PARD3B: variants seen among roughly 807,000 people sequenced by gnomAD.
The protein encoded by PARD3B is par-3 family cell polarity regulator beta, also known as partitioning defective 3 homolog B.
A neutral mutation model predicts 130.2 loss-of-function variants in PARD3B; 103 were observed. The observed-to-expected ratio is 0.79, with a 90% CI of 0.67 to 0.93. The LOEUF is 0.93. Ranked by LOEUF, PARD3B falls within the 40% of genes least tolerant of loss-of-function variation. PARD3B has a pLI of 0.00. For missense variants in PARD3B, 1,609 were observed against 1,499.2 expected, an observed-to-expected ratio of 1.07 and a Z score of -1.21; for synonymous variants, 583 against 553.2, an observed-to-expected ratio of 1.05 and a Z score of -0.76.
At position 204,662,803 on chromosome 2, in the gene PARD3B, G is replaced by A. The variant is rs1023609102; in HGVS notation, c.121-23378G>A. Among the ~76,000 whole-genome samples, 9 of 152,024 alleles carry A rather than the reference G, an allele frequency of 5.9e-5. 1 individual carries two copies. The highest frequency in any genetic ancestry group is 1.2e-4 in the African/African-American group (5 of 41,390). On this transcript the variant is annotated intron_variant, in intron 1 of 22. Transcript: ENST00000406610. The stretch of plus-strand genomic sequence containing the variant: ...TGCTAAGACACCAGCAGTTTGACCC[G>A]CCATCAGTCCAAATGGCAACACAGT...
At chr2:205,057,888 A>G (rs1699833703) in intron 4 of PARD3B, among the ~76,000 whole-genome samples, 1 of 149,540 alleles carries the variant, frequency 6.7e-6, no homozygotes, top group South Asian at 2.1e-4. Flanking sequence ...TAAAAAAAAG[A>G]CTTTTTTCTC....
At chr2:204,738,789 C>A (rs75494790) in intron 2 of PARD3B, among the ~76,000 whole-genome samples, 1 of 152,140 alleles carries the variant, frequency 6.6e-6, no homozygotes, top group East Asian at 1.9e-4. Context: ...GGCAAATGAG[C>A]AACATCTGAT....
At chr2:205,228,747 G>A (rs2038688864) in intron 15 of PARD3B, among the ~76,000 whole-genome samples, 1 of 151,988 alleles carries the variant, frequency 6.6e-6, no homozygotes, top group African/African-American at 2.4e-5. Flanking sequence ...TCTTAGATTT[G>A]CTCTTTTGAG....
chr2:204,804,396 G>T (rs1454666046), intron 2 of PARD3B, among the ~76,000 whole-genome samples: 1 of 152,052 alleles, frequency 6.6e-6, no homozygotes, highest in Non-Finnish European at 1.5e-5. Flanking sequence ...ACTATAAAAA[G>T]ATACAAAGTC....
chr2:205,449,410 T>C (rs1183881606), intron 20 of PARD3B, among the ~76,000 whole-genome samples: 1 of 151,756 alleles, frequency 6.6e-6, no homozygotes, highest in Non-Finnish European at 1.5e-5. Flanking sequence ...TTTGTATTTT[T>C]AGTAGAGGCA....
At chr2:205,097,284 A>G (rs890515713) in intron 4 of PARD3B, among the ~76,000 whole-genome samples, 2 of 152,176 alleles carry the variant, frequency 1.3e-5, no homozygotes, top group Non-Finnish European at 2.9e-5. Context: ...AATAAGGTCA[A>G]CATTCCTTAA....
chr2:205,174,351 G>C (rs1195296737), intron 12 of PARD3B, among the ~76,000 whole-genome samples: 1 of 152,172 alleles, frequency 6.6e-6, no homozygotes, highest in Non-Finnish European at 1.5e-5. Flanking sequence ...TCCATTTTTA[G>C]TTTCCCTAAT....
Position 205,039,622 on chromosome 2 carries a change from C to T in PARD3B, c.395-7959C>T, listed in dbSNP as rs144994718. Among the ~76,000 whole-genome samples, 345 of 152,098 alleles carry T rather than the reference C, an allele frequency of 2.3e-3. 1 individual carries two copies. Among genetic ancestry groups the T allele is most frequent in the African/African-American group, 7.9e-3 (327 of 41,504 alleles). ...GGTAGCTGCAATTACAGGTGTGCAC[C>T]ACCACACCCCACTAATCTTTGTATT... On this transcript the variant is annotated intron_variant, in intron 3 of 22. Transcript: ENST00000406610.
At chr2:204,620,702 C>T (rs980102270) in intron 1 of PARD3B, among the ~76,000 whole-genome samples, 5 of 152,278 alleles carry the variant, frequency 3.3e-5, no homozygotes, top group Admixed American at 1.3e-4. Context: ...TAACTGTATA[C>T]GTAGTCCTGT....
chr2:205,325,614 A>G lies in PARD3B; in HGVS notation c.2630+23913A>G, dbSNP rs1250591443. Among the ~76,000 whole-genome samples, 1 of 152,102 alleles carries G rather than the reference A, an allele frequency of 6.6e-6. No individual in the cohort carries two copies. Among genetic ancestry groups the G allele is most frequent in the Non-Finnish European group, 1.5e-5 (1 of 68,016 alleles). ...CGTGATCATAACTCACTGTAGCCTC[A>G]GACCCCAGGGCTAAGTGATCCTCCC... On this transcript the variant is annotated intron_variant, in intron 18 of 22. Coordinates refer to ENST00000406610, the MANE Select transcript of PARD3B (RefSeq NM_001302769.2). The surrounding 1 kb of genome is among the most constrained non-coding windows in gnomAD (Gnocchi z 4.1).
intron 1 of PARD3B, among the ~76,000 whole-genome samples, chr2:204,594,892 T>C (rs1322343469): frequency 1.3e-5 from 2 of 152,172 alleles, no homozygotes; most frequent in Non-Finnish European, 2.9e-5. Context: ...GTTTGTGAAG[T>C]CGTTTGATCA....
chr2:205,057,557 A>ACG lies in PARD3B; in HGVS notation c.504+9867_504+9868insCG, dbSNP rs1208629169. Among the ~76,000 whole-genome samples the ACG allele has an allele frequency of 1.9e-3, 281 of 146,348 alleles. 30 individuals carry two copies. Among genetic ancestry groups the ACG allele is most frequent in the Admixed American group, 0.011 (158 of 14,088 alleles). The stretch of plus-strand genomic sequence containing the variant: ...CATATATGTATATGTGTATATGTAT[A>ACG]TATACATATATGTATATGTGTATGT... On this transcript the variant is annotated intron_variant, in intron 4 of 22. Coordinates refer to ENST00000406610, the MANE Select transcript of PARD3B (RefSeq NM_001302769.2).
chr2:205,436,078 C>T (rs1023927420), intron 19 of PARD3B, among the ~76,000 whole-genome samples: 2 of 152,126 alleles, frequency 1.3e-5, no homozygotes, highest in South Asian at 4.2e-4. Context: ...CCTAGGTTTC[C>T]TCATTTGGCA....
At chr2:204,582,510 C>CG (rs1171119266) in intron 1 of PARD3B, among the ~76,000 whole-genome samples, 8 of 151,916 alleles carry the variant, frequency 5.3e-5, no homozygotes, top group South Asian at 2.1e-4. Context: ...GGTTCCCCCC[C>CG]CTCATTTCAC....
chr2:204,954,654 A>G (rs1216131073), intron 2 of PARD3B, among the ~76,000 whole-genome samples: 1 of 152,138 alleles, frequency 6.6e-6, no homozygotes, highest in Non-Finnish European at 1.5e-5. Flanking sequence ...GGACATATGA[A>G]GCTGTCAAAA....
At chr2:205,216,507 T>C (rs2037919340) in intron 15 of PARD3B, among the ~76,000 whole-genome samples, 1 of 152,140 alleles carries the variant, frequency 6.6e-6, no homozygotes, top group Non-Finnish European at 1.5e-5. Context: ...ATTACACATA[T>C]AATAAAATCA....
intron 16 of PARD3B, among the ~76,000 whole-genome samples, chr2:205,294,421 T>A (rs2041716380): frequency 6.6e-6 from 1 of 152,112 alleles, no homozygotes; most frequent in African/African-American, 2.4e-5. Flanking sequence ...ATAATCTGAG[T>A]TCAGGAAAGA....
In PARD3B at chr2:204,657,476, A is replaced by G. The variant is rs982902672; in HGVS notation, c.121-28705A>G. 2.0e-5 allele frequency among the ~76,000 whole-genome samples: 3 copies of G among 152,280 alleles called. No individual in the cohort carries two copies. In the East Asian group the frequency reaches 5.8e-4, roughly 29 times the overall value. On this transcript the variant is annotated intron_variant, in intron 1 of 22. Transcript: ENST00000406610. ...AGCTATGATTGCATCATTGCACTCC[A>G]GCATGGATGACAGAGGTGAGACCCT...
intron 2 of PARD3B, among the ~76,000 whole-genome samples, chr2:204,737,239 C>A (rs1450130912): frequency 6.6e-6 from 1 of 152,242 alleles, no homozygotes; most frequent in African/African-American, 2.4e-5. Context: ...GCTGGGATTA[C>A]AGGCATGAGC....
Sources: allele counts gnomAD v4.1 joint callset (sites outside exome capture counted in the v4.1 genomes callset), GRCh38; gene constraint gnomAD v4.1.1; non-coding constraint Gnocchi (gnomAD v3.1); transcripts MANE v1.5; gene names NCBI Gene and HGNC (gene_info 2026-07-23, HGNC 2026-07-21).